Variants in ARHGAP26 observed in about 807,000 individuals in gnomAD.
ARHGAP26 encodes rho GTPase-activating protein 26.
Under a neutral mutation model 104.8 loss-of-function variants are expected in ARHGAP26, and 38 were observed. That is an observed-to-expected ratio of 0.36 (90% CI 0.28 to 0.48). The LOEUF (loss-of-function observed/expected upper bound fraction) is 0.48. ARHGAP26 is among the 20% of genes least tolerant of loss of function. The pLI, the probability that ARHGAP26 is intolerant of heterozygous loss-of-function variation, is 0.99. For missense variants in ARHGAP26, 704 were observed against 947.9 expected, an observed-to-expected ratio of 0.74 and a Z score of 3.38; for synonymous variants, 341 against 340.0, an observed-to-expected ratio of 1.00 and a Z score of -0.03.
chr5:143,070,533 G>A (rs1443411512), intron 17 of ARHGAP26, among the ~76,000 whole-genome samples: 1 of 152,178 alleles, frequency 6.6e-6, no homozygotes, highest in East Asian at 1.9e-4. Context: ...GACACCCCAT[G>A]CTCATGGATC....
At chr5:143,038,550 GGT>G (rs1044985975) in intron 13 of ARHGAP26, among the ~76,000 whole-genome samples, 1 of 152,088 alleles carries the variant, frequency 6.6e-6, no homozygotes, top group African/African-American at 2.4e-5. Flanking sequence ...TTTACACCGT[GGT>G]GATGTTAAGG....
chr5:142,906,412 T>C (rs1761111622), intron 8 of ARHGAP26, among the ~76,000 whole-genome samples: 2 of 152,240 alleles, frequency 1.3e-5, no homozygotes, highest in African/African-American at 4.8e-5. Flanking sequence ...AAATGGTGAC[T>C]TCTCAGTTCC....
At chr5:142,781,716 C>T (rs941635473) in intron 1 of ARHGAP26, among the ~76,000 whole-genome samples, 6 of 152,096 alleles carry the variant, frequency 3.9e-5, no homozygotes, top group African/African-American at 1.4e-4. Context: ...ATGCAGAATT[C>T]ATGGCTTTTT....
At chr5:142,798,145 C>T (rs1488233776) in intron 1 of ARHGAP26, among the ~76,000 whole-genome samples, 1 of 152,208 alleles carries the variant, frequency 6.6e-6, no homozygotes, top group Non-Finnish European at 1.5e-5. Context: ...TATGCCACTT[C>T]AGTGCTTAAA....
intron 1 of ARHGAP26, among the ~76,000 whole-genome samples, chr5:142,836,066 G>A (rs1305664181): frequency 6.6e-6 from 1 of 152,202 alleles, no homozygotes; most frequent in Non-Finnish European, 1.5e-5. Context: ...TCTTGGGAAT[G>A]GAATCTTCAC....
chr5:143,063,644 G>A (rs1423253345), intron 17 of ARHGAP26, among the ~76,000 whole-genome samples: 2 of 152,128 alleles, frequency 1.3e-5, no homozygotes, highest in African/African-American at 2.4e-5. Flanking sequence ...TCTCTTGACC[G>A]CTTCTCAAAT....
intron 1 of ARHGAP26, among the ~76,000 whole-genome samples, chr5:142,807,576 C>T (rs1763223650): frequency 6.6e-6 from 1 of 152,188 alleles, no homozygotes; most frequent in African/African-American, 2.4e-5. Flanking sequence ...TATTGCTGCC[C>T]CTCTGTCTAC....
chr5:142,893,645 C>A (rs1027456438), intron 5 of ARHGAP26, among the ~76,000 whole-genome samples: 2 of 152,166 alleles, frequency 1.3e-5, no homozygotes, highest in African/African-American at 2.4e-5. Flanking sequence ...TATGGTAGTA[C>A]TATTTTTAGC....
intron 20 of ARHGAP26, among the ~76,000 whole-genome samples, chr5:143,201,741 A>G (rs1807765059): frequency 6.6e-6 from 1 of 152,196 alleles, no homozygotes; most frequent in Non-Finnish European, 1.5e-5. Context: ...ACTAAAATAC[A>G]ATGTACTCTC....
At chr5:142,785,358 T>C (rs1252412015) in intron 1 of ARHGAP26, among the ~76,000 whole-genome samples, 6 of 152,250 alleles carry the variant, frequency 3.9e-5, no homozygotes, top group African/African-American at 1.4e-4. Context: ...TGTTCCGACC[T>C]GGCACTGTTC....
intron 1 of ARHGAP26, among the ~76,000 whole-genome samples, chr5:142,812,459 AC>A (rs1161053346): frequency 6.6e-6 from 1 of 151,424 alleles, no homozygotes; most frequent in African/African-American, 2.4e-5. Context: ...TGCCTCAGCC[AC>A]CCGAGTAGCT....
At chr5:142,990,776 C>A (rs1489193544) in intron 11 of ARHGAP26, among the ~76,000 whole-genome samples, 1 of 152,134 alleles carries the variant, frequency 6.6e-6, no homozygotes, top group African/African-American at 2.4e-5. Context: ...TGCAGAACAG[C>A]AAATATTGCA....
chr5:142,797,942 G>A (rs1434209475), intron 1 of ARHGAP26, among the ~76,000 whole-genome samples: 1 of 152,184 alleles, frequency 6.6e-6, no homozygotes, highest in Non-Finnish European at 1.5e-5. Flanking sequence ...CTGCTGAGTT[G>A]CCTGTGCTAG....
At chr5:143,054,343 T>G in intron 14 of ARHGAP26, 96 bp from the exon 15 acceptor site, 1 of 727,320 alleles carries the variant, frequency 1.4e-6, no homozygotes, top group Non-Finnish European at 2.2e-6. Context: ...ACTTTGCATT[T>G]CTCTAGTTAC....
rs12332695 is a variant in ARHGAP26 at position 143,138,279 on chromosome 5, G to A, written c.1837+4174G>A. 6.8e-3 allele frequency among the ~76,000 whole-genome samples: 1,038 copies of A among 152,262 alleles called. 17 individuals are homozygous for A. The highest frequency in any genetic ancestry group is 0.024 in the African/African-American group (995 of 41,526). ...TAGGTCAGTTATAAGACAGCAAGTC[G>A]CTCCTCATATCATAGGCAATGTGTG... On this transcript the variant is annotated intron_variant, in intron 19 of 22. Transcript: ENST00000645722.
intron 9 of ARHGAP26, among the ~76,000 whole-genome samples, chr5:142,908,125 T>C (rs1329624409): frequency 1.3e-5 from 2 of 152,220 alleles, no homozygotes; most frequent in African/African-American, 2.4e-5. Context: ...CCTGTGAAAC[T>C]GATTCAGTCC....
chr5:143,064,648 T>G (rs1275350731), intron 17 of ARHGAP26, among the ~76,000 whole-genome samples: 2 of 152,090 alleles, frequency 1.3e-5, no homozygotes, highest in African/African-American at 4.8e-5. Flanking sequence ...AACAGACAAC[T>G]TAGCACTTTA....
Position 143,223,345 on chromosome 5 carries a change from C to G in ARHGAP26, c.*899C>G, listed in dbSNP as rs1250561012. On this transcript the variant is annotated 3_prime_UTR_variant, in exon 23 of 23. Transcript: ENST00000645722. ...ATGGGATAGTAGCTGGGAACTGTTC[C>G]CTTTCTGATTAATTTCAGCAGCATC... The G allele has an allele frequency of 4.3e-6, 1 of 232,862 alleles. No homozygotes were observed. Among genetic ancestry groups the G allele is most frequent in the Non-Finnish European group, 8.5e-6 (1 of 117,680 alleles). The allele number at this position is 232,862 out of a possible 1,614,324, so 14.4% of individuals were successfully genotyped here. A position where few individuals can be genotyped will look rare whatever the true frequency, so the allele number is the denominator to read the frequency against.
intron 1 of ARHGAP26, among the ~76,000 whole-genome samples, chr5:142,870,596 G>A (rs1598011571): frequency 3.9e-5 from 6 of 152,264 alleles, no homozygotes; most frequent in Admixed American, 3.3e-4. Context: ...CCTCTTACTG[G>A]AGGATTCATA....
Sources: allele counts gnomAD v4.1 joint callset (sites outside exome capture counted in the v4.1 genomes callset), GRCh38; gene constraint gnomAD v4.1.1; transcripts MANE v1.5; gene names NCBI Gene and HGNC (gene_info 2026-07-23, HGNC 2026-07-21).